Variants in AGBL1 observed in about 807,000 individuals in gnomAD.
AGBL1 encodes AGBL carboxypeptidase 1.
Under a neutral mutation model 118.9 loss-of-function variants are expected in AGBL1, and 130 were observed. That is an observed-to-expected ratio of 1.09 (90% CI 0.95 to 1.26). AGBL1 has a LOEUF of 1.26. Ranked by LOEUF, AGBL1 falls within the 50% of genes most tolerant of loss-of-function variation. The pLI, the probability that AGBL1 is intolerant of heterozygous loss-of-function variation, is 0.00. For missense variants in AGBL1, 1,584 were observed against 1,298.1 expected (o/e 1.22, Z -3.38); for synonymous variants, 555 against 478.9 (o/e 1.16, Z -2.08).
chr15:86,947,132 G>GGGT (rs2080834476), intron 23 of AGBL1, among the ~76,000 whole-genome samples: 1 of 152,304 alleles, frequency 6.6e-6, no homozygotes, highest in Admixed American at 6.5e-5. Flanking sequence ...AATTTGAGAA[G>GGGT]GGTGGTGGGA....
At chr15:86,664,808 T>A (rs2085613408) in intron 21 of AGBL1, among the ~76,000 whole-genome samples, 1 of 151,616 alleles carries the variant, frequency 6.6e-6, no homozygotes, top group Non-Finnish European at 1.5e-5. Flanking sequence ...TAAAAGTTAA[T>A]TTTAAATTTA....
intron 6 of AGBL1, among the ~76,000 whole-genome samples, chr15:86,231,897 G>T (rs1597594856): frequency 6.6e-6 from 1 of 152,158 alleles, no homozygotes; most frequent in Non-Finnish European, 1.5e-5. Flanking sequence ...GTGGGAGGGG[G>T]TATCTGTCAT....
chr15:86,567,018 C>T lies in AGBL1; in HGVS notation c.2994+12481C>T, dbSNP rs551606283. ...ACTGAATGAGCTACTGCCTACAAAA[C>T]ATTTATCACCATTTTCATAGTAAAA... On this transcript the variant is annotated intron_variant, in intron 21 of 22. Coordinates refer to ENST00000614907, the MANE Select transcript of AGBL1 (RefSeq NM_001386094.1). Among the ~76,000 whole-genome samples, 9 of 152,260 alleles carry T rather than the reference C, an allele frequency of 5.9e-5. No homozygotes were observed. In the South Asian group the frequency reaches 1.5e-3, roughly 25 times the overall value.
rs565058662 is a variant in AGBL1 at position 86,652,808 on chromosome 15, C to T, written c.2995-21465C>T. Among the ~76,000 whole-genome samples the T allele has an allele frequency of 3.6e-4, 55 of 152,216 alleles. No homozygotes were observed. The South Asian group carries it at 6.8e-3, about 19-fold the overall frequency. Reference sequence around the variant, plus strand: ...GTGTGTGTAAAGCAGTGGTTTTAAGCAGGGAGAAATTTTGCCCCCTTTTCA... The same window carrying T: ...GTGTGTGTAAAGCAGTGGTTTTAAGTAGGGAGAAATTTTGCCCCCTTTTCA... On this transcript the variant is annotated intron_variant, in intron 21 of 22. Transcript: ENST00000614907.
At chr15:86,967,082 A>G (rs1030175034) in intron 23 of AGBL1, among the ~76,000 whole-genome samples, 1 of 152,130 alleles carries the variant, frequency 6.6e-6, no homozygotes, top group Non-Finnish European at 1.5e-5. Context: ...GCCAGTGATG[A>G]TGAACATTTT....
intron 16 of AGBL1, among the ~76,000 whole-genome samples, chr15:86,281,436 TG>T (rs2079352916): frequency 6.6e-6 from 1 of 152,120 alleles, no homozygotes; most frequent in South Asian, 2.1e-4. Flanking sequence ...CTGCTAGGGA[TG>T]GGGATTCCTT....
At chr15:86,498,470 A>G (rs2082880121) in intron 18 of AGBL1, among the ~76,000 whole-genome samples, 1 of 151,946 alleles carries the variant, frequency 6.6e-6, no homozygotes, top group Admixed American at 6.6e-5. Context: ...TATTGGCAAG[A>G]AATTTGAACC....
At chr15:86,844,757 G>A (rs2079295052) in intron 22 of AGBL1, among the ~76,000 whole-genome samples, 2 of 151,964 alleles carry the variant, frequency 1.3e-5, no homozygotes, top group Non-Finnish European at 2.9e-5. Context: ...CATGCTTTTG[G>A]TATTGTAGTT....
At chr15:87,029,277 A>G (rs1243964388), downstream of AGBL1, among the ~76,000 whole-genome samples, 1 of 151,850 alleles carries the variant, frequency 6.6e-6, no homozygotes, top group Admixed American at 6.6e-5. Flanking sequence ...CAGGGGCTCA[A>G]TATCCTTTAT....
intron 21 of AGBL1, among the ~76,000 whole-genome samples, chr15:86,611,919 A>T (rs980922563): frequency 6.6e-5 from 10 of 152,182 alleles, no homozygotes; most frequent in African/African-American, 2.2e-4. Context: ...AGTGGCTGGT[A>T]TTTAAAATGG....
intron 17 of AGBL1, among the ~76,000 whole-genome samples, chr15:86,333,554 CA>C (rs1404937835): frequency 6.6e-6 from 1 of 151,930 alleles, no homozygotes; most frequent in Non-Finnish European, 1.5e-5. Flanking sequence ...ACTTATCAAC[CA>C]AAAAAATCCC....
At chr15:86,572,957 C>G (rs997935900) in intron 21 of AGBL1, among the ~76,000 whole-genome samples, 1 of 152,226 alleles carries the variant, frequency 6.6e-6, no homozygotes, top group African/African-American at 2.4e-5. Flanking sequence ...AGAATCATCT[C>G]TATTTCTAAC....
chr15:86,958,802 A>C (rs2080959866), intron 23 of AGBL1, among the ~76,000 whole-genome samples: 1 of 152,182 alleles, frequency 6.6e-6, no homozygotes. Flanking sequence ...ATCCATTATT[A>C]AGACAAATAA....
At chr15:86,971,774 A>T (rs2081111250) in intron 23 of AGBL1, among the ~76,000 whole-genome samples, 1 of 151,926 alleles carries the variant, frequency 6.6e-6, no homozygotes, top group African/African-American at 2.4e-5. Flanking sequence ...CCAAAATCTC[A>T]TCTTGAATTG....
At position 86,801,351 on chromosome 15, in the gene AGBL1, A is replaced by ATCTATCTG. The variant is rs1237814314; in HGVS notation, c.3159-105731_3159-105730insCTGTCTAT. On this transcript the variant is annotated intron_variant, in intron 22 of 22. Transcript: ENST00000614907. The stretch of plus-strand genomic sequence containing the variant: ...TATCTATCTATCTATCTATCTATCT[A>ATCTATCTG]TCTATATTAAAGCCTTCTTAAAAGC... Among the ~76,000 whole-genome samples, 1,240 of 150,026 alleles carry ATCTATCTG rather than the reference A, an allele frequency of 8.3e-3. 18 individuals carry two copies. Among genetic ancestry groups the ATCTATCTG allele is most frequent in the Middle Eastern group, 0.045 (13 of 292 alleles).
At chr15:87,004,323 AAGTCTCTTTCTC>A (rs2081474121) in intron 24 of AGBL1, among the ~76,000 whole-genome samples, 2 of 152,168 alleles carry the variant, frequency 1.3e-5, no homozygotes, top group African/African-American at 4.8e-5. Flanking sequence ...GGGAGAGTTT[AAGTCTCTTTCTC>A]AGTCTCTAAG....
intron 16 of AGBL1, among the ~76,000 whole-genome samples, chr15:86,294,693 A>G (rs2079604077): frequency 1.3e-5 from 2 of 150,186 alleles, no homozygotes; most frequent in South Asian, 4.2e-4. Context: ...TGATAACCAC[A>G]TTTTTTTTTA....
Position 86,174,936 on chromosome 15 carries a change from G to A in AGBL1, c.488+15910G>A, listed in dbSNP as rs551811982. Among the ~76,000 whole-genome samples the A allele has an allele frequency of 1.1e-4, 17 of 152,096 alleles. No individual in the cohort carries two copies. In the East Asian group the frequency reaches 3.3e-3, roughly 29 times the overall value. On this transcript the variant is annotated intron_variant, in intron 5 of 22. Transcript: ENST00000614907. ...TTTTGTTGAGGACTTTTGCATCTAT[G>A]TTCATTAGGGATATTGATCTATAGG...
At chr15:86,954,509 T>C (rs921474902) in intron 23 of AGBL1, among the ~76,000 whole-genome samples, 2 of 152,184 alleles carry the variant, frequency 1.3e-5, no homozygotes, top group Non-Finnish European at 2.9e-5. Context: ...GCAGCATAGA[T>C]GCAACTGGAT....
Sources: allele counts gnomAD v4.1 joint callset (sites outside exome capture counted in the v4.1 genomes callset), GRCh38; gene constraint gnomAD v4.1.1; transcripts MANE v1.5; gene names NCBI Gene and HGNC (gene_info 2026-07-23, HGNC 2026-07-21).